The following PARD3B variants were observed in gnomAD, a reference collection of about 807,000 sequenced individuals.
PARD3B encodes par-3 family cell polarity regulator beta.
A neutral mutation model predicts 130.2 loss-of-function variants in PARD3B; 103 were observed. The ratio of observed to expected loss-of-function variants is 0.79; its 90% CI spans 0.67 to 0.93. The LOEUF (loss-of-function observed/expected upper bound fraction) is 0.93. Among genes scored for constraint, PARD3B ranks in the 40% least tolerant of loss-of-function variants. PARD3B has a pLI of 0.00. For synonymous variants in PARD3B, 583 were observed against 553.2 expected (o/e 1.05, Z -0.76); for missense variants, 1,609 against 1,499.2 (o/e 1.07, Z -1.21).
At chr2:205,249,006 G>GTTTTTTTTTTTTTTTTT (rs10707308) in intron 16 of PARD3B, among the ~76,000 whole-genome samples, 10 of 95,102 alleles carry the variant, frequency 1.1e-4, no homozygotes, top group African/African-American at 4.7e-4. Flanking sequence ...TAAAATAAGA[G>GTTTTTTTTTTTTTTTTT]TTTTTTTTTT....
At chr2:205,528,181 C>G (rs2051420250) in intron 21 of PARD3B, among the ~76,000 whole-genome samples, 1 of 152,136 alleles carries the variant, frequency 6.6e-6, no homozygotes, top group African/African-American at 2.4e-5. Context: ...GAAGCCTTCT[C>G]CAGCTGCTCC....
chr2:205,357,614 G>C (rs1480843004), intron 18 of PARD3B, among the ~76,000 whole-genome samples: 1 of 151,748 alleles, frequency 6.6e-6, no homozygotes, highest in African/African-American at 2.4e-5. Context: ...GTTTTGGAAC[G>C]AAAGTTTTAG....
At chr2:205,408,363 A>G (rs564481004) in intron 19 of PARD3B, among the ~76,000 whole-genome samples, 1 of 152,300 alleles carries the variant, frequency 6.6e-6, no homozygotes, top group South Asian at 2.1e-4. Context: ...GTGAAAATCT[A>G]TTCCCAACCT....
At chr2:205,354,819 T>C (rs765107747) in intron 18 of PARD3B, among the ~76,000 whole-genome samples, 1 of 152,076 alleles carries the variant, frequency 6.6e-6, no homozygotes, top group Non-Finnish European at 1.5e-5. Flanking sequence ...GAAGTTGAAA[T>C]GGGGAGGGAG....
chr2:204,713,823 G>T (rs998877718), intron 2 of PARD3B, among the ~76,000 whole-genome samples: 3 of 71,096 alleles, frequency 4.2e-5, no homozygotes, highest in Admixed American at 3.3e-4. Flanking sequence ...GTTGTTCAAG[G>T]GTTGCCTTGT....
rs968082380 is a variant in PARD3B, at chr2:204,887,853, A to T, written c.223-77299A>T. Reference sequence around the variant, plus strand: ...TGCAATGCCAGAAGTTGACACTGTCATTGGGTGCTGTGGATTTATGGCAAA... The same window carrying T: ...TGCAATGCCAGAAGTTGACACTGTCTTTGGGTGCTGTGGATTTATGGCAAA... On this transcript the variant is annotated intron_variant, in intron 2 of 22. Transcript: ENST00000406610. This position sits in a 1 kb window ranked among gnomAD's most constrained non-coding sequence, Gnocchi z 4.2. Among the ~76,000 whole-genome samples the T allele has an allele frequency of 2.0e-4, 31 of 152,150 alleles. No homozygotes were observed. Among genetic ancestry groups the T allele is most frequent in the African/African-American group, 7.0e-4 (29 of 41,428 alleles).
chr2:204,561,125 G>C (rs924454269), intron 1 of PARD3B, among the ~76,000 whole-genome samples: 1 of 152,126 alleles, frequency 6.6e-6, no homozygotes, highest in Non-Finnish European at 1.5e-5. Flanking sequence ...CAGATGAAAG[G>C]GTTGGTGAGC....
chr2:205,615,303 T>G (rs953336742), intron 22 of PARD3B, among the ~76,000 whole-genome samples, 153 bp from the exon 23 acceptor site: 10 of 152,072 alleles, frequency 6.6e-5, no homozygotes, highest in Non-Finnish European at 1.3e-4. Flanking sequence ...TCCCTTCTCT[T>G]CTTTTTAAGG....
At chr2:205,049,296 G>C (rs977505612) in intron 4 of PARD3B, among the ~76,000 whole-genome samples, 2 of 152,198 alleles carry the variant, frequency 1.3e-5, no homozygotes, top group Admixed American at 1.3e-4. Flanking sequence ...ATGGTGGAAG[G>C]GGAAGCAAAC....
At chr2:205,459,234 C>T (rs550827403) in intron 20 of PARD3B, among the ~76,000 whole-genome samples, 2 of 152,296 alleles carry the variant, frequency 1.3e-5, no homozygotes, top group South Asian at 4.1e-4. Context: ...CTTTTAGAAT[C>T]AGTCTTGGCC....
Position 205,061,644 on chromosome 2 carries a change from G to A in PARD3B, c.504+13954G>A, listed in dbSNP as rs185995240. 2.6e-3 allele frequency among the ~76,000 whole-genome samples: 391 copies of A among 152,164 alleles called. 3 individuals carry two copies. The highest frequency in any genetic ancestry group is 8.5e-3 in the African/African-American group (355 of 41,534). On this transcript the variant is annotated intron_variant, in intron 4 of 22. Transcript: ENST00000406610. ...ATAGAAGTAAGTTGGAGAGTAATCT[G>A]CATTAAAAGCTGAATTTGATCATCT...
intron 5 of PARD3B, among the ~76,000 whole-genome samples, chr2:205,108,726 G>C (rs1703413334): frequency 1.3e-5 from 2 of 151,886 alleles, no homozygotes; most frequent in African/African-American, 2.4e-5. Context: ...ACATCACAAG[G>C]TGCCTCCACT....
chr2:205,109,778 C>T (rs1575811647), intron 5 of PARD3B, among the ~76,000 whole-genome samples: 1 of 151,444 alleles, frequency 6.6e-6, no homozygotes, highest in East Asian at 2.0e-4. Context: ...CTCAGCCTCC[C>T]GAGTAGCTGG....
At chr2:205,329,504 T>C (rs1309895263) in intron 18 of PARD3B, among the ~76,000 whole-genome samples, 1 of 152,192 alleles carries the variant, frequency 6.6e-6, no homozygotes, top group Non-Finnish European at 1.5e-5. Context: ...TGAAGAACTC[T>C]TGCAAGGTAA....
intron 2 of PARD3B, among the ~76,000 whole-genome samples, chr2:204,816,089 A>G (rs1257067507): frequency 1.3e-5 from 2 of 151,826 alleles, no homozygotes; most frequent in Non-Finnish European, 2.9e-5. Context: ...TAAGATTTAT[A>G]CTCTCATCTG....
intron 1 of PARD3B, among the ~76,000 whole-genome samples, chr2:204,644,781 T>C (rs1270266554): frequency 2.0e-5 from 3 of 152,166 alleles, no homozygotes; most frequent in Non-Finnish European, 4.4e-5. Flanking sequence ...CATGATATCA[T>C]GATTTATGGG....
chr2:204,932,056 C>G (rs926406076), intron 2 of PARD3B, among the ~76,000 whole-genome samples: 3 of 152,022 alleles, frequency 2.0e-5, no homozygotes, highest in African/African-American at 7.2e-5. Context: ...TAGTTGCATC[C>G]TTTTAGGTCA....
At chr2:204,770,628 G>A (rs1559130810) in intron 2 of PARD3B, among the ~76,000 whole-genome samples, 1 of 151,904 alleles carries the variant, frequency 6.6e-6, no homozygotes, top group East Asian at 1.9e-4. Context: ...AAATATTTTT[G>A]GCAGATCTGC....
intron 2 of PARD3B, among the ~76,000 whole-genome samples, chr2:204,730,974 A>C (rs1210388575): frequency 6.6e-6 from 1 of 152,208 alleles, no homozygotes; most frequent in Admixed American, 6.5e-5. Flanking sequence ...AGTAGCCTGA[A>C]AAGAGAAACA....
Sources: allele counts gnomAD v4.1 joint callset (sites outside exome capture counted in the v4.1 genomes callset), GRCh38; gene constraint gnomAD v4.1.1; non-coding constraint Gnocchi (gnomAD v3.1); transcripts MANE v1.5; gene names NCBI Gene and HGNC (gene_info 2026-07-23, HGNC 2026-07-21).